JPH2: variants seen among roughly 807,000 people sequenced by gnomAD.
JPH2 encodes the protein junctophilin-2.
In JPH2, 38 loss-of-function variants were observed where a neutral mutation model predicts 55.9. The observed-to-expected ratio is 0.68, with a 90% confidence interval of 0.52 to 0.89. JPH2 has a LOEUF of 0.89. Ranked by LOEUF, JPH2 falls within the 40% of genes least tolerant of loss-of-function variation. JPH2 has a pLI of 0.00. For synonymous variants in JPH2, 480 were observed against 472.4 expected (o/e 1.02, Z -0.21); for missense variants, 964 against 1,037.6 (o/e 0.93, Z 0.97).
At chr20:44,148,522 G>A (rs2072508046) in intron 2 of JPH2, among the ~76,000 whole-genome samples, 1 of 152,202 alleles carries the variant, frequency 6.6e-6, no homozygotes, top group South Asian at 2.1e-4. Context: ...GGAAACAAAG[G>A]GTTCTTCGTT....
At chr20:44,122,712 T>C (rs4810410) in intron 2 of JPH2, among the ~76,000 whole-genome samples, 104,461 of 151,964 alleles carry the variant, frequency 0.69, 35,950 homozygotes, top group Admixed American at 0.74. Context: ...AAGTGTTTGG[T>C]CTTGATGATG....
intron 2 of JPH2, among the ~76,000 whole-genome samples, chr20:44,157,252 T>A (rs185608175): frequency 5.9e-5 from 9 of 152,332 alleles, no homozygotes; most frequent in Admixed American, 4.6e-4. Context: ...GGGATTGCCC[T>A]TGGCTGAAGA....
intron 2 of JPH2, among the ~76,000 whole-genome samples, chr20:44,150,651 A>G (rs965462097): frequency 6.6e-5 from 10 of 152,240 alleles, no homozygotes; most frequent in African/African-American, 2.4e-4. Context: ...TACAGTAATC[A>G]AGACCAGCCT....
intron 1 of JPH2, among the ~76,000 whole-genome samples, chr20:44,180,015 C>G (rs972312684): frequency 1.3e-5 from 2 of 152,170 alleles, no homozygotes; most frequent in African/African-American, 4.8e-5. Context: ...AGGTCAGGAG[C>G]TCAAGACTAG....
chr20:44,125,282 C>T (rs985178272), intron 2 of JPH2, among the ~76,000 whole-genome samples: 5 of 152,042 alleles, frequency 3.3e-5, no homozygotes, highest in African/African-American at 9.7e-5. Flanking sequence ...CAATATTTAC[C>T]ATCTAGTCCT....
intron 2 of JPH2, among the ~76,000 whole-genome samples, chr20:44,145,231 A>C (rs1412849843): frequency 5.3e-5 from 8 of 152,182 alleles, no homozygotes; most frequent in Admixed American, 5.2e-4. Context: ...AAACACTTGC[A>C]TCTGTGGGAG....
Position 44,112,349 on chromosome 20 carries a change from C to A in JPH2, c.*1169G>T, listed in dbSNP as rs2072151937. 1 of 152,318 alleles carries A rather than the reference C, an allele frequency of 6.6e-6. No individual in the cohort carries two copies. The allele number at this position is 152,318 out of a possible 1,614,324, so 9.4% of individuals were successfully genotyped here. On this transcript the variant is annotated 3_prime_UTR_variant, in exon 6 of 6. Transcript: ENST00000372980. ...GCCCTCACCCCACCCACAGGAAGCA[C>A]AAGGGCCCAGAGACCTAGTGTGGTA...
intron 2 of JPH2, among the ~76,000 whole-genome samples, chr20:44,145,285 TTC>T (rs1241073567): frequency 6.6e-5 from 10 of 152,068 alleles, no homozygotes; most frequent in Non-Finnish European, 1.0e-4. Flanking sequence ...GGCCTGTATG[TTC>T]TCTGACTCTG....
At chr20:44,170,932 C>T (rs2072692561) in intron 1 of JPH2, among the ~76,000 whole-genome samples, 1 of 152,208 alleles carries the variant, frequency 6.6e-6, no homozygotes, top group Non-Finnish European at 1.5e-5. Context: ...CTCTTGGTCT[C>T]CACCCTATCT....
At chr20:44,149,387 C>T (rs1297686158) in intron 2 of JPH2, among the ~76,000 whole-genome samples, 2 of 152,372 alleles carry the variant, frequency 1.3e-5, no homozygotes, top group South Asian at 2.1e-4. Flanking sequence ...ACTCACAAAG[C>T]GGGGCAGGGT....
At chr20:44,118,462 A>G (rs1332658036) in intron 3 of JPH2, 43 bp downstream of exon 3, 2 of 1,476,094 alleles carry the variant, frequency 1.4e-6, no homozygotes, top group African/African-American at 2.8e-5. Context: ...CGCCCACCCT[A>G]GGGATAGCCC....
intron 2 of JPH2, among the ~76,000 whole-genome samples, chr20:44,137,153 C>T (rs1359100981): frequency 6.6e-6 from 1 of 152,184 alleles, no homozygotes; most frequent in East Asian, 1.9e-4. Flanking sequence ...CACTACTTAG[C>T]GGATTTTCTC....
At chr20:44,137,730 A>G (rs1378685042) in intron 2 of JPH2, among the ~76,000 whole-genome samples, 3 of 152,128 alleles carry the variant, frequency 2.0e-5, no homozygotes, top group African/African-American at 7.2e-5. Context: ...GGAGGTTCCA[A>G]CCCCGTTGCC....
chr20:44,127,664 A>G (rs1435094207), intron 2 of JPH2, among the ~76,000 whole-genome samples: 1 of 149,814 alleles, frequency 6.7e-6, no homozygotes, highest in Non-Finnish European at 1.5e-5. Context: ...TTTTTTTTGT[A>G]TTTTTTAGTA....
chr20:44,113,905 A>T (rs2145836423), intron 5 of JPH2, among the ~76,000 whole-genome samples: 1 of 152,344 alleles, frequency 6.6e-6, no homozygotes, highest in East Asian at 1.9e-4. Context: ...GGCAGCACTT[A>T]CCAGGCTGGT....
At chr20:44,155,473 A>G (rs1208375481) in intron 2 of JPH2, among the ~76,000 whole-genome samples, 1 of 152,230 alleles carries the variant, frequency 6.6e-6, no homozygotes, top group Non-Finnish European at 1.5e-5. Context: ...TCTTCCATAC[A>G]GAGGAATTTT....
At chr20:44,149,014 C>A (rs1458897345) in intron 2 of JPH2, among the ~76,000 whole-genome samples, 1 of 151,096 alleles carries the variant, frequency 6.6e-6, no homozygotes, top group Non-Finnish European at 1.5e-5. Context: ...TTGCAGTGAG[C>A]TGAGATGGCG....
chr20:44,174,973 G>A (rs559606357), intron 1 of JPH2, among the ~76,000 whole-genome samples: 1 of 152,044 alleles, frequency 6.6e-6, no homozygotes, highest in African/African-American at 2.4e-5. Context: ...CTCCAGTCTG[G>A]GTAACAGAGT....
In JPH2 at chr20:44,159,164, T is replaced by A. The variant is rs1463826084; in HGVS notation, c.1169+454A>T. Among the ~76,000 whole-genome samples the A allele has an allele frequency of 6.6e-6, 1 of 152,024 alleles. No homozygotes were observed. The highest frequency in any genetic ancestry group is 1.5e-5 in the Non-Finnish European group (1 of 67,988). On this transcript the variant is annotated intron_variant, in intron 2 of 5. Coordinates refer to ENST00000372980, the MANE Select transcript of JPH2 (RefSeq NM_020433.5). The surrounding 1 kb of genome is among the most constrained non-coding windows in gnomAD (Gnocchi z 5.7). ...TGGATGTTCAGGTGTGATGTGGGAC[T>A]GGAGGTGGGTGTGTGGGTGGAGGGG...
Sources: allele counts gnomAD v4.1 joint callset (sites outside exome capture counted in the v4.1 genomes callset), GRCh38; gene constraint gnomAD v4.1.1; non-coding constraint Gnocchi (gnomAD v3.1); transcripts MANE v1.5; gene names NCBI Gene and HGNC (gene_info 2026-07-23, HGNC 2026-07-21).